TSGA10: variants seen among roughly 807,000 people sequenced by gnomAD.
The protein encoded by TSGA10 is testis specific 10, also known as testis-specific gene 10 protein.
Under a neutral mutation model 96.6 loss-of-function variants are expected in TSGA10, and 43 were observed. That is an observed-to-expected ratio of 0.44 (90% CI 0.35 to 0.57). The LOEUF is 0.57. Among genes scored for constraint, TSGA10 ranks in the 20% least tolerant of loss-of-function variants. The probability of loss-of-function intolerance (pLI) is 0.01; values close to 1 mark genes in which losing one functional copy is unlikely to be tolerated. For missense variants in TSGA10, 703 were observed against 834.4 expected, an observed-to-expected ratio of 0.84 and a Z score of 1.94; for synonymous variants, 229 against 269.9, an observed-to-expected ratio of 0.85 and a Z score of 1.48.
intron 16 of TSGA10, among the ~76,000 whole-genome samples, chr2:99,062,462 G>A (rs1310597553): frequency 6.6e-6 from 1 of 152,234 alleles, no homozygotes; most frequent in African/African-American, 2.4e-5. Context: ...CAGGTCAAGT[G>A]TGGTGGCTCA....
At chr2:99,014,741 A>AG (rs536503618) in intron 20 of TSGA10, among the ~76,000 whole-genome samples, 30 of 152,344 alleles carry the variant, frequency 2.0e-4, no homozygotes, top group African/African-American at 5.8e-4. Context: ...ATAGACCACT[A>AG]GCGAGATTAA....
intron 17 of TSGA10, among the ~76,000 whole-genome samples, chr2:99,027,995 C>A (rs377619020): frequency 4.6e-5 from 7 of 152,144 alleles, no homozygotes; most frequent in African/African-American, 1.4e-4. Context: ...GTTTCCCTTG[C>A]GGTATATAGC....
At chr2:99,038,468 C>T (rs190326576) in intron 16 of TSGA10, among the ~76,000 whole-genome samples, 5 of 151,994 alleles carry the variant, frequency 3.3e-5, no homozygotes, top group African/African-American at 4.8e-5. Context: ...AAACATATTC[C>T]ATACAAAATG....
chr2:99,015,552 G>A (rs2079436757), intron 20 of TSGA10, among the ~76,000 whole-genome samples: 1 of 152,118 alleles, frequency 6.6e-6, no homozygotes, highest in African/African-American at 2.4e-5. Flanking sequence ...TATACTGAAT[G>A]GGGACAGTTG....
At chr2:99,074,076 G>A (rs1190697755) in intron 12 of TSGA10, among the ~76,000 whole-genome samples, 2 of 137,932 alleles carry the variant, frequency 1.4e-5, no homozygotes, top group Admixed American at 1.6e-4. Flanking sequence ...GCGAGGGCGC[G>A]ATCTCGGCTC....
intron 16 of TSGA10, among the ~76,000 whole-genome samples, chr2:99,064,458 C>T (rs987558013): frequency 2.6e-5 from 4 of 152,054 alleles, no homozygotes; most frequent in Admixed American, 2.0e-4. Context: ...TAACATTATA[C>T]ATTATTTGTG....
intron 2 of TSGA10, among the ~76,000 whole-genome samples, chr2:99,122,615 C>CAAA (rs148224475): frequency 2.1e-4 from 11 of 53,260 alleles, no homozygotes; most frequent in Admixed American, 1.9e-3. Context: ...CCATCTCTAC[C>CAAA]AAAAAAAAAA....
At chr2:99,136,572 C>T (rs1574678972) in intron 1 of TSGA10, among the ~76,000 whole-genome samples, 1 of 27,388 alleles carries the variant, frequency 3.7e-5, no homozygotes, top group Admixed American at 4.5e-4. Flanking sequence ...CCGAGGCGGG[C>T]GGATCACGAG....
intron 14 of TSGA10, 43 bp downstream of exon 14, chr2:99,071,663 T>TG (rs761521524): frequency 2.4e-5 from 38 of 1,557,668 alleles, no homozygotes; most frequent in Admixed American, 1.8e-4. Context: ...AAGAAATTCA[T>TG]ATTTTTTTTT....
intron 2 of TSGA10, among the ~76,000 whole-genome samples, chr2:99,123,548 T>C (rs1342205722): frequency 6.6e-6 from 1 of 152,222 alleles, no homozygotes; most frequent in Non-Finnish European, 1.5e-5. Flanking sequence ...ATATACATAA[T>C]TTTCATTTTA....
chr2:99,082,946 G>A (rs2087708996), intron 10 of TSGA10, among the ~76,000 whole-genome samples: 1 of 151,974 alleles, frequency 6.6e-6, no homozygotes, highest in African/African-American at 2.4e-5. Context: ...AAACTCAGTG[G>A]ACAAGTTAAA....
At chr2:99,147,171 A>T (rs1398311848) in intron 1 of TSGA10, 1 of 316,296 alleles carries the variant, frequency 3.2e-6, no homozygotes, top group Non-Finnish European at 5.7e-6. Flanking sequence ...GTTTTTTTTA[A>T]TTTTTTTCTG....
At chr2:99,110,944 T>TAAAAAAA in intron 4 of TSGA10, 29 bp from the exon 5 acceptor site, 1 of 551,302 alleles carries the variant, frequency 1.8e-6, no homozygotes, top group Non-Finnish European at 2.3e-6. Context: ...AAAAAAAAAT[T>TAAAAAAA]ATTTCTATTA....
chr2:99,078,341 T>C (rs1461668803), intron 12 of TSGA10, among the ~76,000 whole-genome samples: 3 of 150,990 alleles, frequency 2.0e-5, no homozygotes, highest in African/African-American at 4.9e-5. Flanking sequence ...CCTGAAAATA[T>C]GCTTTTAAGA....
chr2:99,026,328 ATT>A (rs577441287), intron 17 of TSGA10, among the ~76,000 whole-genome samples: 137 of 152,318 alleles, frequency 9.0e-4, no homozygotes, highest in African/African-American at 3.0e-3. Flanking sequence ...CCAATGATAT[ATT>A]GTTACAATTA....
At position 99,076,513 on chromosome 2, in the gene TSGA10, T is replaced by A. The variant is rs369152663; in HGVS notation, c.882+2146A>T. Among the ~76,000 whole-genome samples, 30 of 152,240 alleles carry A rather than the reference T, an allele frequency of 2.0e-4. No homozygotes were observed. In the South Asian group the frequency reaches 5.8e-3, roughly 29 times the overall value. On this transcript the variant is annotated intron_variant, in intron 12 of 20. Transcript: ENST00000393483. Reference sequence around the variant, plus strand: ...CTTTTATGATTTTTTTGCTTAACTATCCCATCTCTTCATGTATCTATATCT... The same window carrying A: ...CTTTTATGATTTTTTTGCTTAACTAACCCATCTCTTCATGTATCTATATCT...
At chr2:99,149,888 G>A (rs1054416543) in intron 1 of TSGA10, among the ~76,000 whole-genome samples, 1 of 148,978 alleles carries the variant, frequency 6.7e-6, no homozygotes, top group African/African-American at 2.5e-5. Context: ...CGTCTTCCAG[G>A]TTCAAGCTAT....
intron 11 of TSGA10, 61 bp downstream of exon 11, chr2:99,081,221 A>G (rs2087446072): frequency 1.0e-6 from 1 of 968,190 alleles, no homozygotes; most frequent in Admixed American, 2.3e-5. Context: ...AGAGAAGAAA[A>G]TACATCTTTG....
chr2:99,081,642 C>T (rs1385015342), intron 10 of TSGA10, among the ~76,000 whole-genome samples: 1 of 152,062 alleles, frequency 6.6e-6, no homozygotes, highest in Non-Finnish European at 1.5e-5. Flanking sequence ...TCCTTAGGTC[C>T]CCTAATGCCA....
Sources: allele counts gnomAD v4.1 joint callset (sites outside exome capture counted in the v4.1 genomes callset), GRCh38; gene constraint gnomAD v4.1.1; transcripts MANE v1.5; gene names NCBI Gene and HGNC (gene_info 2026-07-23, HGNC 2026-07-21).